COL5A2: variants seen among roughly 807,000 people sequenced by gnomAD.
COL5A2 encodes the protein collagen type V alpha 2 chain.
COL5A2 carries 23 observed loss-of-function variants against 208.2 expected under a neutral mutation model. The ratio of observed to expected loss-of-function variants is 0.11; its 90% CI spans 0.08 to 0.16. The LOEUF is 0.16. Among genes scored for constraint, COL5A2 ranks in the 10% least tolerant of loss-of-function variants. The pLI is 1.00. For missense variants in COL5A2, 1,590 were observed against 1,956.4 expected, an observed-to-expected ratio of 0.81 and a Z score of 3.53; for synonymous variants, 625 against 628.5, an observed-to-expected ratio of 0.99 and a Z score of 0.08.
At chr2:189,404,763 C>T in the COL5A2 span, among the ~76,000 whole-genome samples, 6 of 152,318 alleles carry the variant, frequency 3.9e-5, no homozygotes, top group East Asian at 7.7e-4. Context: ...AGGACTCATA[C>T]ATCCAGAGGT....
At chr2:189,145,830 T>C (rs2105779751) in intron 1 of COL5A2, among the ~76,000 whole-genome samples, 1 of 152,248 alleles carries the variant, frequency 6.6e-6, no homozygotes, top group East Asian at 1.9e-4. Flanking sequence ...AGATAGATAG[T>C]CCTTAATACT....
Position 189,049,016 on chromosome 2 carries a change from A to T in COL5A2, c.3147+331T>A, listed in dbSNP as rs143993989. Among the ~76,000 whole-genome samples the T allele has an allele frequency of 7.6e-3, 1,109 of 145,614 alleles. 13 individuals are homozygous for T. Among genetic ancestry groups the T allele is most frequent in the African/African-American group, 0.026 (1,022 of 39,710 alleles). ...ACCAAAAAACTTGGCAATTTTGATA[A>T]ATATGTCATTACAAAATGAAATAAT... On this transcript the variant is annotated intron_variant, in intron 44 of 53. Coordinates refer to ENST00000374866, the MANE Select transcript of COL5A2 (RefSeq NM_000393.5).
chr2:189,069,745 T>G (rs930202867), intron 18 of COL5A2, among the ~76,000 whole-genome samples: 4 of 152,182 alleles, frequency 2.6e-5, no homozygotes, highest in Non-Finnish European at 5.9e-5. Flanking sequence ...AACAATAAAT[T>G]GTTTCCTTGC....
At position 189,088,694 on chromosome 2, in the gene COL5A2, C is replaced by T. The variant is rs1686717866; in HGVS notation, c.645+1G>A. ...CAATGATCAGTAAAATTTATGCTTA[C>T]CACAGAGCCAGGCATTAGTCCTACT... On this transcript the variant is annotated splice_donor_variant, in intron 8 of 53. Transcript: ENST00000374866. LOFTEE classifies it high-confidence loss of function. 19 of 1,612,480 alleles carry T rather than the reference C, an allele frequency of 1.2e-5. No homozygotes were observed. In the East Asian group the frequency reaches 4.2e-4, roughly 36 times the overall value.
intron 1 of COL5A2, among the ~76,000 whole-genome samples, chr2:189,171,099 TAGAG>T (rs774722956): frequency 6.6e-6 from 1 of 151,634 alleles, no homozygotes; most frequent in East Asian, 1.9e-4. Context: ...TGAAAGGGGA[TAGAG>T]AGAGAGTGAG....
At chr2:189,343,700 A>G in the COL5A2 span, among the ~76,000 whole-genome samples, 1 of 152,174 alleles carries the variant, frequency 6.6e-6, no homozygotes, top group Non-Finnish European at 1.5e-5. Flanking sequence ...TCAGGTGTTC[A>G]TCTAAGTAAG....
the COL5A2 span, among the ~76,000 whole-genome samples, chr2:189,396,958 T>C: frequency 7.7e-6 from 1 of 129,304 alleles, no homozygotes; most frequent in Non-Finnish European, 1.5e-5. Flanking sequence ...GCCACTGCAC[T>C]ACAGCCTGGG....
At chr2:189,327,036 A>T in the COL5A2 span, among the ~76,000 whole-genome samples, 1 of 150,046 alleles carries the variant, frequency 6.7e-6, no homozygotes, top group Admixed American at 6.6e-5. Flanking sequence ...ATGCCACTGC[A>T]CTCCAGCCTG....
At chr2:189,193,514 C>A (rs888822241) in intron 1 of COL5A2, among the ~76,000 whole-genome samples, 16 of 152,096 alleles carry the variant, frequency 1.1e-4, no homozygotes, top group African/African-American at 3.9e-4. Context: ...ATTTGTTGAT[C>A]CTAAGTCTTT....
intron 1 of COL5A2, among the ~76,000 whole-genome samples, chr2:189,126,384 TTTA>T (rs1194856010): frequency 1.3e-5 from 2 of 152,026 alleles, no homozygotes; most frequent in Non-Finnish European, 2.9e-5. Context: ...ATATCTAGTG[TTTA>T]TTACCAAAAG....
the COL5A2 span, among the ~76,000 whole-genome samples, chr2:189,376,883 G>A: frequency 6.6e-6 from 1 of 151,924 alleles, no homozygotes; most frequent in Non-Finnish European, 1.5e-5. Flanking sequence ...CCAATCCCAG[G>A]AACTAGAGAC....
At chr2:189,311,012 G>A in the COL5A2 span, among the ~76,000 whole-genome samples, 1 of 152,036 alleles carries the variant, frequency 6.6e-6, no homozygotes, top group Non-Finnish European at 1.5e-5. Context: ...TGGAGTTCCA[G>A]GCCAGTGGGT....
chr2:189,121,092 C>A (rs1687491011), intron 1 of COL5A2, among the ~76,000 whole-genome samples: 1 of 151,788 alleles, frequency 6.6e-6, no homozygotes, highest in Admixed American at 6.6e-5. Flanking sequence ...ATAGGCAAAT[C>A]TTGGTTGTTG....
At chr2:189,293,890 C>G in the COL5A2 span, among the ~76,000 whole-genome samples, 4 of 152,218 alleles carry the variant, frequency 2.6e-5, no homozygotes, top group South Asian at 6.2e-4. Context: ...TCGAAACCAT[C>G]CTGGCTAACA....
At chr2:189,247,513 C>T in the COL5A2 span, among the ~76,000 whole-genome samples, 1 of 151,876 alleles carries the variant, frequency 6.6e-6, no homozygotes, top group Non-Finnish European at 1.5e-5. Flanking sequence ...TTGCAGCATG[C>T]TCACTGTCAC....
chr2:189,147,911 T>A (rs1232125624), intron 1 of COL5A2, among the ~76,000 whole-genome samples: 2 of 152,090 alleles, frequency 1.3e-5, no homozygotes, highest in African/African-American at 2.4e-5. Context: ...CTCTACCAAA[T>A]GAGTTGGTGG....
intron 47 of COL5A2, among the ~76,000 whole-genome samples, chr2:189,044,973 T>C (rs553951530): frequency 6.6e-6 from 1 of 152,208 alleles, no homozygotes; most frequent in African/African-American, 2.4e-5. Flanking sequence ...TAATTCATGG[T>C]TAAATTCAGA....
the COL5A2 span, among the ~76,000 whole-genome samples, chr2:189,334,311 T>C: frequency 2.6e-5 from 4 of 151,944 alleles, no homozygotes; most frequent in Non-Finnish European, 5.9e-5. Context: ...AGTGAAACCA[T>C]CATTATCTGC....
chr2:189,357,730 G>A, the COL5A2 span, among the ~76,000 whole-genome samples: 1 of 140,894 alleles, frequency 7.1e-6, no homozygotes, highest in Non-Finnish European at 1.5e-5. Flanking sequence ...GAACGGTTCT[G>A]TCTCACTGGC....
Sources: gnomAD v4.1 joint callset for allele counts (sites outside exome capture counted in the v4.1 genomes callset) on GRCh38, gnomAD v4.1.1 for gene constraint, MANE v1.5 for transcripts, NCBI Gene and HGNC (gene_info 2026-07-23, HGNC 2026-07-21) for gene names.